Variants in ASIC2 observed in about 807,000 individuals in gnomAD.
ASIC2 encodes acid sensing ion channel subunit 2, also known as acid-sensing ion channel 2.
ASIC2 carries 25 observed loss-of-function variants against 57.3 expected under a neutral mutation model. That is an observed-to-expected ratio of 0.44 (90% CI 0.32 to 0.61). ASIC2 has a LOEUF of 0.61. Among genes scored for constraint, ASIC2 ranks in the 20% least tolerant of loss-of-function variants. The pLI, the probability that ASIC2 is intolerant of heterozygous loss-of-function variation, is 0.06. For synonymous variants in ASIC2, 319 were observed against 307.5 expected, an observed-to-expected ratio of 1.04 and a Z score of -0.39; for missense variants, 641 against 738.1, an observed-to-expected ratio of 0.87 and a Z score of 1.52.
chr17:33,581,675 A>T (rs1318639992), intron 1 of ASIC2, among the ~76,000 whole-genome samples: 1 of 152,174 alleles, frequency 6.6e-6, no homozygotes, highest in Non-Finnish European at 1.5e-5. Context: ...TCAGATTCCT[A>T]TTGGCTACCC....
intron 1 of ASIC2, among the ~76,000 whole-genome samples, chr17:33,282,765 C>T (rs112128626): frequency 3.3e-5 from 5 of 152,108 alleles, no homozygotes; most frequent in Non-Finnish European, 7.4e-5. Flanking sequence ...TGAACCACCA[C>T]GCCCGGCCTC....
At chr17:33,047,819 T>C (rs759910744) in intron 3 of ASIC2, among the ~76,000 whole-genome samples, 3 of 152,246 alleles carry the variant, frequency 2.0e-5, no homozygotes, top group Admixed American at 6.5e-5. Flanking sequence ...ATTGGGCAGA[T>C]GCTGCCCTTC....
At chr17:34,140,239 A>T (rs1567836174) in intron 1 of ASIC2, among the ~76,000 whole-genome samples, 2 of 152,204 alleles carry the variant, frequency 1.3e-5, no homozygotes, top group Admixed American at 6.5e-5. Flanking sequence ...GTGTAAGTAA[A>T]TAACCTGAGG....
chr17:33,322,405 G>A lies in ASIC2; in HGVS notation c.556-210338C>T, dbSNP rs116575740. On this transcript the variant is annotated intron_variant, in intron 1 of 9. Transcript: ENST00000359872. ...GTTTGCCAGAAGAGTCTTCCCTTGA[G>A]CAAGTGGAGGTGGTGATTTGTAATT... Among the ~76,000 whole-genome samples the A allele has an allele frequency of 6.7e-3, 1,015 of 152,268 alleles. 11 individuals are homozygous for A. The highest frequency in any genetic ancestry group is 0.022 in the African/African-American group (921 of 41,552).
intron 1 of ASIC2, among the ~76,000 whole-genome samples, chr17:33,567,844 G>C (rs1916290352): frequency 6.6e-6 from 1 of 151,834 alleles, no homozygotes; most frequent in Non-Finnish European, 1.5e-5. Context: ...TCCTTGAGGG[G>C]AGATTCCATG....
chr17:33,096,292 T>C (rs567766233), intron 2 of ASIC2, among the ~76,000 whole-genome samples: 1 of 152,338 alleles, frequency 6.6e-6, no homozygotes, highest in South Asian at 2.1e-4. Flanking sequence ...CCACATTTTT[T>C]CCCTCACTCC....
intron 1 of ASIC2, among the ~76,000 whole-genome samples, chr17:33,799,428 TTC>T (rs1491393629): frequency 3.4e-4 from 3 of 8,840 alleles, no homozygotes; most frequent in African/African-American, 7.7e-4. Context: ...TCTTTCTTTC[TTC>T]TTTCTTTCTT....
At chr17:33,521,786 C>T (rs1160257856) in intron 1 of ASIC2, among the ~76,000 whole-genome samples, 5 of 152,188 alleles carry the variant, frequency 3.3e-5, no homozygotes, top group African/African-American at 1.2e-4. Context: ...CCCTCAAAGG[C>T]CATACCTTGC....
At chr17:33,435,284 T>C (rs1375331696) in intron 1 of ASIC2, among the ~76,000 whole-genome samples, 2 of 152,168 alleles carry the variant, frequency 1.3e-5, no homozygotes, top group Non-Finnish European at 2.9e-5. Flanking sequence ...TCTTGAGACA[T>C]GGCAGATTTC....
chr17:34,013,048 C>T lies in ASIC2; in HGVS notation c.555+142930G>A, dbSNP rs1324186134. The stretch of plus-strand genomic sequence containing the variant: ...CTCACTGAAATAGTTGATCATGTGC[C>T]CTGGCTCAACCCCCCTGGAGAGGGG... On this transcript the variant is annotated intron_variant, in intron 1 of 9. Transcript: ENST00000359872. Among the ~76,000 whole-genome samples, 15 of 152,172 alleles carry T rather than the reference C, an allele frequency of 9.9e-5. 1 individual carries two copies. The highest frequency in any genetic ancestry group is 1.5e-5 in the Non-Finnish European group (1 of 68,032).
intron 1 of ASIC2, among the ~76,000 whole-genome samples, chr17:34,100,182 T>G (rs537010344): frequency 2.3e-5 from 1 of 43,814 alleles, no homozygotes; most frequent in African/African-American, 1.1e-4. Flanking sequence ...CCTCTCTTTC[T>G]TGTTTTTTTT....
chr17:34,000,057 T>A (rs1030545817), intron 1 of ASIC2, among the ~76,000 whole-genome samples: 1 of 151,690 alleles, frequency 6.6e-6, no homozygotes, highest in African/African-American at 2.4e-5. Flanking sequence ...ATTGTTGTTT[T>A]TTTTTTTTCT....
chr17:33,576,389 T>C (rs955452097), intron 1 of ASIC2, among the ~76,000 whole-genome samples: 4 of 152,220 alleles, frequency 2.6e-5, no homozygotes, highest in Non-Finnish European at 4.4e-5. Context: ...TGACTAGGTA[T>C]GGGGAGCCCC....
intron 1 of ASIC2, among the ~76,000 whole-genome samples, chr17:34,065,518 AAAAT>A (rs573056181): frequency 2.0e-3 from 304 of 152,324 alleles, no homozygotes; most frequent in African/African-American, 7.1e-3. Flanking sequence ...AAATTTTAAA[AAAAT>A]AAAACATATT....
At chr17:33,098,630 A>G (rs2092194756) in intron 2 of ASIC2, among the ~76,000 whole-genome samples, 1 of 152,244 alleles carries the variant, frequency 6.6e-6, no homozygotes, top group South Asian at 2.1e-4. Context: ...CGAAGGCTGC[A>G]AACTTCAGCC....
chr17:33,701,377 C>A (rs755733640), intron 1 of ASIC2, among the ~76,000 whole-genome samples: 1 of 152,086 alleles, frequency 6.6e-6, no homozygotes, highest in Non-Finnish European at 1.5e-5. Flanking sequence ...ACAGCCATAC[C>A]GGACTACAAT....
chr17:33,685,598 G>A (rs1048705000), intron 1 of ASIC2, among the ~76,000 whole-genome samples: 1 of 152,198 alleles, frequency 6.6e-6, no homozygotes, highest in Non-Finnish European at 1.5e-5. Context: ...AACAAGGAAT[G>A]GGCCTAGCCA....
chr17:33,223,771 C>T (rs1456878618), intron 1 of ASIC2, among the ~76,000 whole-genome samples: 22 of 152,284 alleles, frequency 1.4e-4, no homozygotes, highest in Admixed American at 1.3e-3. Context: ...GCAGAGAAGA[C>T]GGACAGTGCG....
At chr17:33,587,565 C>T (rs1031169259) in intron 1 of ASIC2, among the ~76,000 whole-genome samples, 1 of 152,250 alleles carries the variant, frequency 6.6e-6, no homozygotes, top group Non-Finnish European at 1.5e-5. Flanking sequence ...AGGTGATTGA[C>T]TGCCATGATT....
Sources: allele counts gnomAD v4.1 joint callset (sites outside exome capture counted in the v4.1 genomes callset), GRCh38; gene constraint gnomAD v4.1.1; transcripts MANE v1.5; gene names NCBI Gene and HGNC (gene_info 2026-07-23, HGNC 2026-07-21).